Variants in UBE2E1 observed in about 807,000 individuals in gnomAD.
UBE2E1 encodes the protein ubiquitin-conjugating enzyme E2 E1.
In UBE2E1, 6 loss-of-function variants were observed where a neutral mutation model predicts 21.4. The ratio of observed to expected loss-of-function variants is 0.28; its 90% confidence interval spans 0.15 to 0.55. The LOEUF (loss-of-function observed/expected upper bound fraction) is 0.55. Ranked by LOEUF, UBE2E1 falls within the 20% of genes least tolerant of loss-of-function variation. The pLI is 0.93. For missense variants in UBE2E1, 142 were observed against 236.5 expected (o/e 0.60, Z 2.62); for synonymous variants, 87 against 82.7 (o/e 1.05, Z -0.28).
chr3:23,811,362 TCG>T, intron 2 of UBE2E1, 96 bp from the exon 3 acceptor site: 1 of 1,131,160 alleles, frequency 8.8e-7, no homozygotes. Context: ...AATCCAGTGA[TCG>T]CGCTTAGGTT....
At chr3:23,822,238 C>G (rs1399926145) in intron 3 of UBE2E1, among the ~76,000 whole-genome samples, 1 of 152,080 alleles carries the variant, frequency 6.6e-6, no homozygotes, top group African/African-American at 2.4e-5. Context: ...ACGTGTCAAA[C>G]CTGGTTTAGA....
Position 23,807,381 on chromosome 3 carries a change from A to G in UBE2E1, c.112A>G (p.Met38Val). 6.2e-7 allele frequency: 1 copy of G among 1,613,800 alleles called. No individual in the cohort carries two copies. Among genetic ancestry groups the G allele is most frequent in the Non-Finnish European group, 8.5e-7 (1 of 1,179,912 alleles). ...CAAGAAGAAGGAGAGTAAAGTCAGCATGAGCAAAAACTCCAAACTCCTCTC... is the reference window on the plus strand; with the variant it reads ...CAAGAAGAAGGAGAGTAAAGTCAGCGTGAGCAAAAACTCCAAACTCCTCTC... ...TPKKKESKVS[M>V]SKNSKLLSTS... is the part of the protein sequence containing the mutation. The change falls in exon 2 of 6, where the codon ATG (methionine) becomes GTG (valine). Residue 38 changes from methionine to valine, a missense_variant. Around this residue, in one of 2 missense-constraint regions of UBE2E1, gnomAD observed 55 missense variants for 51.5 expected, o/e 1.07. Transcript: ENST00000306627.
chr3:23,858,401 C>T (rs1700483932), intron 3 of UBE2E1, among the ~76,000 whole-genome samples: 1 of 152,130 alleles, frequency 6.6e-6, no homozygotes. Context: ...CTCACTGCAA[C>T]CTCTGCCTCC....
intron 3 of UBE2E1, among the ~76,000 whole-genome samples, chr3:23,881,500 G>A (rs1701039693): frequency 6.6e-6 from 1 of 152,090 alleles, no homozygotes; most frequent in Non-Finnish European, 1.5e-5. Flanking sequence ...TTCAAACACG[G>A]ATAAGTGGGT....
intron 3 of UBE2E1, among the ~76,000 whole-genome samples, chr3:23,824,814 C>T (rs926182814): frequency 6.6e-6 from 1 of 151,732 alleles, no homozygotes; most frequent in African/African-American, 2.4e-5. Flanking sequence ...TTCCTGCTCC[C>T]TTAAGAAAAA....
rs1699365219 is a variant in UBE2E1 at position 23,810,574 on chromosome 3, G to T, written c.153-886G>T. 1 of 1,508,870 alleles carries T rather than the reference G, an allele frequency of 6.6e-7. No homozygotes were observed. The highest frequency in any genetic ancestry group is 1.4e-5 in the African/African-American group (1 of 72,426). 93.5% of individuals were successfully genotyped at this position (1,508,870 alleles called of 1,614,324 possible). A position where few individuals can be genotyped will look rare whatever the true frequency, so the allele number is the denominator to read the frequency against. On this transcript the variant is annotated intron_variant, in intron 2 of 5. Coordinates refer to ENST00000306627, the MANE Select transcript of UBE2E1 (RefSeq NM_003341.5). This position sits in a 1 kb window ranked among gnomAD's most constrained non-coding sequence, Gnocchi z 5.8. ...AGTCCCGGCCAGCGTGCGGGGCGGA[G>T]GCAGGGTCCGGTGCACCTGTGCGGC... is the stretch of plus-strand genomic sequence containing the variant.
rs1205002681 is a variant in UBE2E1, at chr3:23,808,564, A to G, written c.152+1143A>G. The G allele has an allele frequency of 6.6e-6, 1 of 152,180 alleles. No individual in the cohort carries two copies. Among genetic ancestry groups the G allele is most frequent in the Non-Finnish European group, 1.5e-5 (1 of 68,046 alleles). 9.4% of individuals were successfully genotyped at this position (152,180 alleles called of 1,614,324 possible). On this transcript the variant is annotated intron_variant, in intron 2 of 5. Transcript: ENST00000306627. This position sits in a 1 kb window ranked among gnomAD's most constrained non-coding sequence, Gnocchi z 4.9. ...AGAGTTTGTTCTGTCATTCTCCCTG[A>G]CTTGTAATTTGAAAACTTGGCAGTG...
At chr3:23,879,890 G>C (rs534620814) in intron 3 of UBE2E1, among the ~76,000 whole-genome samples, 1 of 152,314 alleles carries the variant, frequency 6.6e-6, no homozygotes, top group East Asian at 1.9e-4. Context: ...TGTGTTTGTA[G>C]GCAAGGGTCC....
chr3:23,875,648 T>C (rs1028287098), intron 3 of UBE2E1, among the ~76,000 whole-genome samples: 2 of 152,232 alleles, frequency 1.3e-5, no homozygotes, highest in African/African-American at 4.8e-5. Flanking sequence ...TAGAAGGCCA[T>C]TAAATGGCCA....
Position 23,816,058 on chromosome 3 carries a change from T to C in UBE2E1, c.203+4548T>C, listed in dbSNP as rs146892340. Among the ~76,000 whole-genome samples, 1,346 of 152,314 alleles carry C rather than the reference T, an allele frequency of 8.8e-3. 9 individuals carry two copies. The highest frequency in any genetic ancestry group is 0.014 in the Middle Eastern group (4 of 294). ...GAAAGAAACCCTATCTGGAGATGAA[T>C]TGCCTTTCAAATGAGCAGGAAGTCT... is the stretch of plus-strand genomic sequence containing the variant. On this transcript the variant is annotated intron_variant, in intron 3 of 5. Transcript: ENST00000306627. The surrounding 1 kb of genome is among the most constrained non-coding windows in gnomAD (Gnocchi z 4.8).
In UBE2E1 at chr3:23,856,075, A is replaced by G. The variant is rs111458594; in HGVS notation, c.204-31492A>G. 5.9e-3 allele frequency among the ~76,000 whole-genome samples: 901 copies of G among 152,064 alleles called. 16 individuals carry two copies. The highest frequency in any genetic ancestry group is 0.049 in the East Asian group (253 of 5,144). Reference sequence around the variant, plus strand: ...GAGACAGAGTCTCGCTCTGTAGCCCAGAGTGCAGTGGCATGATCTCGGCTC... The same window carrying G: ...GAGACAGAGTCTCGCTCTGTAGCCCGGAGTGCAGTGGCATGATCTCGGCTC... On this transcript the variant is annotated intron_variant, in intron 3 of 5. Transcript: ENST00000306627.
chr3:23,843,795 GT>G (rs1271310722), intron 3 of UBE2E1, among the ~76,000 whole-genome samples: 1 of 152,192 alleles, frequency 6.6e-6, no homozygotes. Flanking sequence ...TCTGGAGTCA[GT>G]ATTTTCAGCC....
chr3:23,815,247 G>A (rs1042757333), intron 3 of UBE2E1, among the ~76,000 whole-genome samples: 4 of 152,330 alleles, frequency 2.6e-5, no homozygotes, highest in Non-Finnish European at 4.4e-5. Context: ...CTTCCAGAGT[G>A]CTGGGATTAC....
intron 3 of UBE2E1, among the ~76,000 whole-genome samples, chr3:23,878,076 A>G (rs972095945): frequency 2.6e-5 from 4 of 152,094 alleles, no homozygotes; most frequent in African/African-American, 9.7e-5. Flanking sequence ...CTTGAGGTCA[A>G]ATGTCACAAC....
chr3:23,826,306 T>G (rs1347682809), intron 3 of UBE2E1, among the ~76,000 whole-genome samples: 1 of 152,218 alleles, frequency 6.6e-6, no homozygotes, highest in African/African-American at 2.4e-5. Flanking sequence ...ACGTAAAGGT[T>G]GGATGAAGTG....
At chr3:23,852,295 T>A (rs1242280487) in intron 3 of UBE2E1, among the ~76,000 whole-genome samples, 6 of 152,256 alleles carry the variant, frequency 3.9e-5, no homozygotes, top group Non-Finnish European at 8.8e-5. Context: ...TTAATTTATT[T>A]CAATGATGGT....
rs1699367487 is a variant in UBE2E1 at position 23,810,646 on chromosome 3, G to A, written c.153-814G>A. On this transcript the variant is annotated intron_variant, in intron 2 of 5. Transcript: ENST00000306627. This position sits in a 1 kb window ranked among gnomAD's most constrained non-coding sequence, Gnocchi z 5.8. The stretch of plus-strand genomic sequence containing the variant: ...CTGTGGTGCCCGAGTGGCGGGCGGG[G>A]GTGTTCGCGCCCTGCTTTCGCGCGC... 35 of 971,342 alleles carry A rather than the reference G, an allele frequency of 3.6e-5. 1 individual carries two copies. In the South Asian group the frequency reaches 4.9e-4, roughly 13 times the overall value. 60.2% of individuals were successfully genotyped at this position (971,342 alleles called of 1,614,324 possible). A position where few individuals can be genotyped will look rare whatever the true frequency, so the allele number is the denominator to read the frequency against.
At chr3:23,852,850 C>A (rs1172955299) in intron 3 of UBE2E1, among the ~76,000 whole-genome samples, 1 of 152,154 alleles carries the variant, frequency 6.6e-6, no homozygotes, top group African/African-American at 2.4e-5. Context: ...AGTGATCCTC[C>A]CACCTTGGCG....
intron 3 of UBE2E1, among the ~76,000 whole-genome samples, chr3:23,825,923 C>A (rs1046763726): frequency 6.6e-6 from 1 of 152,126 alleles, no homozygotes; most frequent in Non-Finnish European, 1.5e-5. Context: ...TGCCTATATT[C>A]CCCGCTGTTA....
Sources: allele counts gnomAD v4.1 joint callset (sites outside exome capture counted in the v4.1 genomes callset), GRCh38; gene constraint gnomAD v4.1.1; regional missense constraint gnomAD v4.1.1; non-coding constraint Gnocchi (gnomAD v3.1); transcripts MANE v1.5; gene names NCBI Gene and HGNC (gene_info 2026-07-23, HGNC 2026-07-21).